SKAP2: variants seen among roughly 807,000 people sequenced by gnomAD.
The protein encoded by SKAP2 is src kinase associated phosphoprotein 2, also known as src kinase-associated phosphoprotein 2.
SKAP2 carries 28 observed loss-of-function variants against 54.9 expected under a neutral mutation model. That is an observed-to-expected ratio of 0.51 (90% CI 0.38 to 0.70). The LOEUF (loss-of-function observed/expected upper bound fraction) is 0.70. Among genes scored for constraint, SKAP2 ranks in the 30% least tolerant of loss-of-function variants. The probability of loss-of-function intolerance (pLI) is 0.00; values close to 1 mark genes in which losing one functional copy is unlikely to be tolerated. For missense variants in SKAP2, 356 were observed against 424.1 expected, an observed-to-expected ratio of 0.84 and a Z score of 1.41; for synonymous variants, 137 against 134.3, an observed-to-expected ratio of 1.02 and a Z score of -0.14.
chr7:26,779,028 C>G (rs1228436475), intron 4 of SKAP2, among the ~76,000 whole-genome samples: 32 of 151,828 alleles, frequency 2.1e-4, no homozygotes, highest in Non-Finnish European at 4.4e-5. Context: ...TTGAAATGAA[C>G]TAGGAGGCAG....
At chr7:26,845,599 G>C (rs1784904483) in intron 3 of SKAP2, among the ~76,000 whole-genome samples, 1 of 152,094 alleles carries the variant, frequency 6.6e-6, no homozygotes, top group Non-Finnish European at 1.5e-5. Context: ...GTCCTTTTCA[G>C]AACACTCAAT....
At chr7:26,704,731 G>A (rs534936316) in intron 9 of SKAP2, among the ~76,000 whole-genome samples, 1 of 152,262 alleles carries the variant, frequency 6.6e-6, no homozygotes, top group African/African-American at 2.4e-5. Flanking sequence ...GGGAAGAAGG[G>A]GAGGTTAGGC....
chr7:26,825,654 G>T lies in SKAP2; in HGVS notation c.307+18376C>A, dbSNP rs1265256467. 3.4e-5 allele frequency among the ~76,000 whole-genome samples: 5 copies of T among 148,590 alleles called. No individual in the cohort carries two copies. The East Asian group carries it at 9.8e-4, about 29-fold the overall frequency. The stretch of plus-strand genomic sequence containing the variant: ...CTTATGAAAGGTTTGAAGAATTAAT[G>T]AAAATAAATAAGTGAAAAATAATAA... On this transcript the variant is annotated intron_variant, in intron 4 of 12. Transcript: ENST00000345317.
At chr7:26,836,743 T>C (rs1297518012) in intron 4 of SKAP2, among the ~76,000 whole-genome samples, 3 of 152,128 alleles carry the variant, frequency 2.0e-5, no homozygotes, top group Non-Finnish European at 4.4e-5. Context: ...TTGGTGGGAG[T>C]GTAAATTAGT....
chr7:26,809,489 G>A (rs1218641248), intron 4 of SKAP2, among the ~76,000 whole-genome samples: 1 of 151,324 alleles, frequency 6.6e-6, no homozygotes, highest in Admixed American at 6.6e-5. Flanking sequence ...TGTCCAACAG[G>A]TATACAAAAA....
chr7:26,690,151 GC>G (rs1406887568), intron 10 of SKAP2, 133 bp downstream of exon 10: 1 of 645,212 alleles, frequency 1.5e-6, no homozygotes, highest in African/African-American at 1.8e-5. Flanking sequence ...CAGCTTATCA[GC>G]CATAAGATAT....
At chr7:26,854,191 G>T in intron 2 of SKAP2, 29 bp from the exon 3 acceptor site, 4 of 1,493,818 alleles carry the variant, frequency 2.7e-6, no homozygotes, top group South Asian at 1.3e-5. Flanking sequence ...ATTTTTAAAT[G>T]AGGTTGAAAA....
intron 4 of SKAP2, among the ~76,000 whole-genome samples, chr7:26,780,236 T>C (rs539798577): frequency 1.3e-5 from 2 of 152,194 alleles, no homozygotes; most frequent in South Asian, 4.1e-4. Context: ...CCCTGAAGAG[T>C]ATCTGGCACA....
chr7:26,694,460 A>T (rs1314314002), intron 9 of SKAP2, among the ~76,000 whole-genome samples: 2 of 141,368 alleles, frequency 1.4e-5, no homozygotes, highest in African/African-American at 5.3e-5. Context: ...TCATCAGGAG[A>T]TTTTTTTTTT....
chr7:26,833,580 T>C (rs913920293), intron 4 of SKAP2, among the ~76,000 whole-genome samples: 8 of 151,954 alleles, frequency 5.3e-5, no homozygotes, highest in Non-Finnish European at 1.2e-4. Context: ...TCCTAGTCTC[T>C]GATAAAACAG....
chr7:26,721,561 T>TA (rs1006744722), intron 9 of SKAP2, among the ~76,000 whole-genome samples: 5 of 151,872 alleles, frequency 3.3e-5, no homozygotes, highest in East Asian at 1.9e-4. Context: ...AATTCACACT[T>TA]AAAAAAAATA....
At chr7:26,673,802 A>G (rs908169488) in intron 11 of SKAP2, among the ~76,000 whole-genome samples, 1 of 152,114 alleles carries the variant, frequency 6.6e-6, no homozygotes, top group Non-Finnish European at 1.5e-5. Flanking sequence ...TTAGTCCCCA[A>G]TTAATATTTA....
At chr7:26,845,164 G>A (rs766628570) in intron 3 of SKAP2, among the ~76,000 whole-genome samples, 2 of 152,090 alleles carry the variant, frequency 1.3e-5, no homozygotes, top group African/African-American at 2.4e-5. Flanking sequence ...CATAGGAACC[G>A]CAGAGTGCCT....
chr7:26,834,867 C>A (rs1373990448), intron 4 of SKAP2, among the ~76,000 whole-genome samples: 1 of 152,144 alleles, frequency 6.6e-6, no homozygotes, highest in Non-Finnish European at 1.5e-5. Flanking sequence ...CATCCTGATA[C>A]CAAAACCTGG....
At chr7:26,708,649 G>A (rs1356272107) in intron 9 of SKAP2, among the ~76,000 whole-genome samples, 1 of 152,010 alleles carries the variant, frequency 6.6e-6, no homozygotes, top group Non-Finnish European at 1.5e-5. Flanking sequence ...TTTCTTACTG[G>A]GTATGAGTAG....
chr7:26,792,416 T>G (rs754527361), intron 4 of SKAP2, among the ~76,000 whole-genome samples: 2 of 152,198 alleles, frequency 1.3e-5, no homozygotes, highest in Non-Finnish European at 2.9e-5. Context: ...GTAAAAGAAG[T>G]TGACTCATTT....
chr7:26,742,931 C>A (rs1451607339), intron 4 of SKAP2, among the ~76,000 whole-genome samples: 1 of 152,100 alleles, frequency 6.6e-6, no homozygotes, highest in Non-Finnish European at 1.5e-5. Flanking sequence ...GACCTCATAT[C>A]ACTATACCTA....
chr7:26,708,864 G>T (rs949088362), intron 9 of SKAP2, among the ~76,000 whole-genome samples: 1 of 152,146 alleles, frequency 6.6e-6, no homozygotes, highest in Middle Eastern at 3.2e-3. Context: ...TGTAATAGCT[G>T]CCTAATAAAT....
chr7:26,814,006 C>A (rs1342088600), intron 4 of SKAP2, among the ~76,000 whole-genome samples: 1 of 152,072 alleles, frequency 6.6e-6, no homozygotes, highest in East Asian at 1.9e-4. Context: ...GCATTTGAGA[C>A]AACAGATTTA....
Sources: gnomAD v4.1 joint callset for allele counts (sites outside exome capture counted in the v4.1 genomes callset) on GRCh38, gnomAD v4.1.1 for gene constraint, MANE v1.5 for transcripts, NCBI Gene and HGNC (gene_info 2026-07-23, HGNC 2026-07-21) for gene names.